The following SCYL3 variants were observed in gnomAD, a reference collection of about 807,000 sequenced individuals.
The protein encoded by SCYL3 is protein-associating with the carboxyl-terminal domain of ezrin.
In SCYL3, 35 loss-of-function variants were observed where a neutral mutation model predicts 73.8. That is an observed-to-expected ratio of 0.47 (90% confidence interval 0.36 to 0.63). The LOEUF (loss-of-function observed/expected upper bound fraction) is 0.63, where lower values mean the gene tolerates loss of function less well. SCYL3 is among the 20% of genes least tolerant of loss of function. SCYL3 has a pLI of 0.00. For missense variants in SCYL3, 712 were observed against 798.9 expected, an observed-to-expected ratio of 0.89 and a Z score of 1.31; for synonymous variants, 277 against 295.2, an observed-to-expected ratio of 0.94 and a Z score of 0.63.
intron 11 of SCYL3, among the ~76,000 whole-genome samples, chr1:169,857,976 T>C (rs1425388843): frequency 6.6e-6 from 1 of 152,224 alleles, no homozygotes; most frequent in East Asian, 1.9e-4. Flanking sequence ...GTATTTACTA[T>C]GAATGGCATT....
chr1:169,866,240 GTC>G lies in SCYL3; in HGVS notation c.815+654_815+655del, dbSNP rs1285968594. On this transcript the variant is annotated intron_variant, in intron 8 of 12. Coordinates refer to ENST00000367771, the MANE Select transcript of SCYL3 (RefSeq NM_020423.7). ...TATCTTTTTAAATGTTTATCTTAGT[GTC>G]TTCTTCATTGGAGACATTAATGCCC... Among the ~76,000 whole-genome samples the G allele has an allele frequency of 2.6e-5, 4 of 152,250 alleles. No homozygotes were observed. The East Asian group carries it at 7.7e-4, about 29-fold the overall frequency.
rs116050318 is a variant in SCYL3, at chr1:169,853,225, T to G, written c.*488A>C. 5.7e-6 allele frequency: 3 copies of G among 527,766 alleles called. No individual in the cohort carries two copies. The highest frequency in any genetic ancestry group is 1.0e-5 in the Non-Finnish European group (3 of 297,692). The allele number at this position is 527,766 out of a possible 1,614,324, so 32.7% of individuals were successfully genotyped here. ...GTCCACAAAGAACCATTTACTCAGATAGTCTAACTGTAAACAAATAAATAA... is the reference window on the plus strand; with the variant it reads ...GTCCACAAAGAACCATTTACTCAGAGAGTCTAACTGTAAACAAATAAATAA... On this transcript the variant is annotated 3_prime_UTR_variant, in exon 13 of 13. Coordinates refer to ENST00000367771, the MANE Select transcript of SCYL3 (RefSeq NM_020423.7).
At chr1:169,888,634 A>G (rs1412071856) in intron 2 of SCYL3, 42 bp downstream of exon 2, 1 of 1,493,678 alleles carries the variant, frequency 6.7e-7, no homozygotes, top group Non-Finnish European at 9.2e-7. Flanking sequence ...AAAACAAGAT[A>G]GTAAAAAGTA....
rs1427028464 is a variant in SCYL3, at chr1:169,853,211, A to T, written c.*502T>A. ...CAGGAACTGCCTAGGTCCACAAAGA[A>T]CCATTTACTCAGATAGTCTAACTGT... On this transcript the variant is annotated 3_prime_UTR_variant, in exon 13 of 13. Coordinates refer to ENST00000367771, the MANE Select transcript of SCYL3 (RefSeq NM_020423.7). 5.4e-6 allele frequency: 3 copies of T among 556,478 alleles called. No individual in the cohort carries two copies. Among genetic ancestry groups the T allele is most frequent in the Non-Finnish European group, 3.2e-6 (1 of 314,196 alleles). 34.5% of individuals were successfully genotyped at this position (556,478 alleles called of 1,614,324 possible). A position where few individuals can be genotyped will look rare whatever the true frequency, so the allele number is the denominator to read the frequency against.
intron 11 of SCYL3, chr1:169,855,666 T>A: frequency 1.2e-6 from 1 of 815,066 alleles, no homozygotes. Context: ...AGAAACAAGA[T>A]GAGACCAAAG....
intron 1 of SCYL3, 72 bp from the exon 2 acceptor site, chr1:169,888,962 T>C (rs892922224): frequency 1.5e-5 from 12 of 802,632 alleles, no homozygotes; most frequent in East Asian, 1.1e-4. Context: ...TATCCAGACA[T>C]AGCCACCCCA....
chr1:169,857,176 G>C (rs1267181925), intron 11 of SCYL3, among the ~76,000 whole-genome samples: 1 of 151,878 alleles, frequency 6.6e-6, no homozygotes, highest in Non-Finnish European at 1.5e-5. Flanking sequence ...GCCAACAAAA[G>C]TCACAAGAAA....
In SCYL3 at chr1:169,888,880, G is replaced by A; in HGVS notation, c.-40C>T. ...GGCAGTACTGCCACTCTTCCTCAAA[G>A]CCAAGCAGATCTAAAAGAAAACAGA... On this transcript the variant is annotated 5_prime_UTR_variant, in exon 2 of 13. Transcript: ENST00000367771. The A allele has an allele frequency of 3.3e-6, 5 of 1,515,822 alleles. No homozygotes were observed. In the South Asian group the frequency reaches 6.7e-5, roughly 20 times the overall value. The allele number at this position is 1,515,822 out of a possible 1,614,324, so 93.9% of individuals were successfully genotyped here. A position where few individuals can be genotyped will look rare whatever the true frequency, so the allele number is the denominator to read the frequency against.
intron 2 of SCYL3, among the ~76,000 whole-genome samples, chr1:169,883,714 A>ATT (rs11311295): frequency 4.6e-4 from 46 of 100,066 alleles, no homozygotes; most frequent in African/African-American, 8.6e-4. Flanking sequence ...CTCCAATTAC[A>ATT]TTTTTTTTTT....
rs1252083503 is a variant in SCYL3, at chr1:169,852,061, CAT to C, written c.*1650_*1651del. Reference sequence around the variant, plus strand: ...GAATTTCAAATCAAATAGATCTAGACATGTAAAATTCTGTTTTATGGTAGTTG... The same window carrying C: ...GAATTTCAAATCAAATAGATCTAGACGTAAAATTCTGTTTTATGGTAGTTG... On this transcript the variant is annotated 3_prime_UTR_variant, in exon 13 of 13. Coordinates refer to ENST00000367771, the MANE Select transcript of SCYL3 (RefSeq NM_020423.7). 7.4e-7 allele frequency: 1 copy of C among 1,346,036 alleles called. No homozygotes were observed. Among genetic ancestry groups the C allele is most frequent in the African/African-American group, 1.4e-5 (1 of 69,182 alleles). The allele number at this position is 1,346,036 out of a possible 1,614,324, so 83.4% of individuals were successfully genotyped here.
intron 12 of SCYL3, 78 bp downstream of exon 12, chr1:169,854,192 T>C (rs1658884168): frequency 8.9e-7 from 1 of 1,121,574 alleles, no homozygotes; most frequent in African/African-American, 1.6e-5. Flanking sequence ...TTGCTTGTTA[T>C]AAATGGGATA....
chr1:169,855,963 G>A, intron 11 of SCYL3: 1 of 1,606,790 alleles, frequency 6.2e-7, no homozygotes, highest in East Asian at 2.2e-5. Flanking sequence ...AGAATCTGAA[G>A]GTAAATAAAA....
At position 169,854,783 on chromosome 1, in the gene SCYL3, A is replaced by G. The variant is rs149208605; in HGVS notation, c.1494T>C (p.Pro498=). The G allele has an allele frequency of 1.1e-5, 18 of 1,613,868 alleles. No homozygotes were observed. The highest frequency in any genetic ancestry group is 2.2e-5 in the East Asian group (1 of 44,884). The change falls in exon 12 of 13, where the codon CCT becomes CCC. Residue 498 remains proline (P), a synonymous_variant. Transcript: ENST00000367771. ...TGCACTGGGACTTGACATCATCACA[A>G]GGTTCTCTAGGCCAAATCTGTATGT... ...TVNIQIWPRE[P]CDDVKSQCTT...
At chr1:169,870,383 C>T (rs756098180) in intron 5 of SCYL3, 26 bp from the exon 6 acceptor site, 1 of 1,487,548 alleles carries the variant, frequency 6.7e-7, no homozygotes, top group Admixed American at 1.7e-5. Context: ...ACAATTAAAA[C>T]TAGAGGATCT....
rs1157413232 is a variant in SCYL3 at position 169,893,772 on chromosome 1, C to G, written c.-51+16G>C. On this transcript the variant is annotated intron_variant, in intron 1 of 12. Transcript: ENST00000367771. Reference sequence around the variant, plus strand: ...TCCTGCAAGGACTGGGGGCGCAGCGCAGGGCTCCCTGTTACCTGCAGGAAG... The same window carrying G: ...TCCTGCAAGGACTGGGGGCGCAGCGGAGGGCTCCCTGTTACCTGCAGGAAG... The G allele has an allele frequency of 6.6e-6, 1 of 152,408 alleles. No homozygotes were observed. The highest frequency in any genetic ancestry group is 2.4e-5 in the African/African-American group (1 of 41,456). The allele number at this position is 152,408 out of a possible 1,614,324, so 9.4% of individuals were successfully genotyped here. A position where few individuals can be genotyped will look rare whatever the true frequency, so the allele number is the denominator to read the frequency against.
intron 11 of SCYL3, chr1:169,855,666 T>C (rs912802783): frequency 1.2e-6 from 1 of 815,066 alleles, no homozygotes; most frequent in Non-Finnish European, 1.9e-6. Flanking sequence ...AGAAACAAGA[T>C]GAGACCAAAG....
Position 169,875,987 on chromosome 1 carries a change from G to T in SCYL3, c.456C>A (p.Ala152=), listed in dbSNP as rs56066424. The change falls in exon 4 of 13, where the codon GCC becomes GCA. Residue 152 remains alanine (A), a synonymous_variant. Coordinates refer to ENST00000367771, the MANE Select transcript of SCYL3 (RefSeq NM_020423.7). ...CTGTCCCCTGGCTTACCTCTGGTGT[G>T]GCCTGAGAAACTTTACAAACAGTTT... ...GMETVCKVSQ[A]TPEFLRSIQS... 268 of 1,607,258 alleles carry T rather than the reference G, an allele frequency of 1.7e-4. 1 individual carries two copies. The East Asian group carries it at 4.3e-3, about 26-fold the overall frequency.
chr1:169,880,377 ATAT>A, intron 2 of SCYL3, among the ~76,000 whole-genome samples: 1 of 142,022 alleles, frequency 7.0e-6, no homozygotes, highest in South Asian at 2.1e-4. Context: ...AAACTGCTAA[ATAT>A]CAAAGATAAA....
rs1292018273 is a variant in SCYL3, at chr1:169,851,819, T to C, written c.*1894A>G. The C allele has an allele frequency of 6.2e-7, 1 of 1,613,760 alleles. No homozygotes were observed. Among genetic ancestry groups the C allele is most frequent in the Admixed American group, 1.7e-5 (1 of 59,976 alleles). On this transcript the variant is annotated 3_prime_UTR_variant, in exon 13 of 13. Coordinates refer to ENST00000367771, the MANE Select transcript of SCYL3 (RefSeq NM_020423.7). ...TGGTTTTTCATGGTCCCTGGCAGAC[T>C]GGGTTTGTAGATGAAACTGAAGCTG...
Sources: gnomAD v4.1 joint callset for allele counts (sites outside exome capture counted in the v4.1 genomes callset) on GRCh38, gnomAD v4.1.1 for gene constraint, MANE v1.5 for transcripts, NCBI Gene and HGNC (gene_info 2026-07-23, HGNC 2026-07-21) for gene names.